Variants in BLOC1S6 observed in about 807,000 individuals in gnomAD.
BLOC1S6 encodes biogenesis of lysosomal organelles complex 1 subunit 6, also known as biogenesis of lysosome-related organelles complex 1 subunit 6.
Under a neutral mutation model 24.7 loss-of-function variants are expected in BLOC1S6, and 24 were observed. That is an observed-to-expected ratio of 0.97 (90% confidence interval 0.70 to 1.37). BLOC1S6 has a LOEUF of 1.37. BLOC1S6 is among the 40% of genes most tolerant of loss of function. The pLI is 0.00. For synonymous variants in BLOC1S6, 76 were observed against 72.6 expected (o/e 1.05, Z -0.23); for missense variants, 175 against 196.2 (o/e 0.89, Z 0.64).
chr15:45,603,799 C>T (rs1166338319), intron 3 of BLOC1S6, among the ~76,000 whole-genome samples: 1 of 151,890 alleles, frequency 6.6e-6, no homozygotes, highest in African/African-American at 2.4e-5. Context: ...AAGTGCATTT[C>T]TCTTTACCAA....
rs1458155087 is a variant in BLOC1S6, at chr15:45,608,495, G to GCA, written c.*1986_*1987dup. The GCA allele has an allele frequency of 6.6e-6, 1 of 152,176 alleles. No homozygotes were observed. Among genetic ancestry groups the GCA allele is most frequent in the African/African-American group, 2.4e-5 (1 of 41,438 alleles). The allele number at this position is 152,176 out of a possible 1,614,324, so 9.4% of individuals were successfully genotyped here. ...GTGGTTGTTTAAAATGCTGGTTCCT[G>GCA]CACACAATTCTCTATCTACTGAAGC... is the stretch of plus-strand genomic sequence containing the variant. On this transcript the variant is annotated 3_prime_UTR_variant, in exon 5 of 5. Transcript: ENST00000220531.
chr15:45,588,743 C>A (rs1169330944), intron 1 of BLOC1S6, among the ~76,000 whole-genome samples: 1 of 152,234 alleles, frequency 6.6e-6, no homozygotes, highest in African/African-American at 2.4e-5. Flanking sequence ...TTTAGAGGCC[C>A]TTACTGGCCT....
intron 1 of BLOC1S6, among the ~76,000 whole-genome samples, chr15:45,589,240 AGAATG>A (rs1893796738): frequency 6.6e-6 from 1 of 152,262 alleles, no homozygotes; most frequent in African/African-American, 2.4e-5. Context: ...TAAAAGTTGC[AGAATG>A]GTATGAGTAA....
At position 45,592,184 on chromosome 15, in the gene BLOC1S6, A is replaced by G; in HGVS notation, c.132A>G (p.Ile44Met). 1 of 1,614,188 alleles carries G rather than the reference A, an allele frequency of 6.2e-7. No homozygotes were observed. Among genetic ancestry groups the G allele is most frequent in the Non-Finnish European group, 8.5e-7 (1 of 1,180,036 alleles). Reference sequence around the variant, plus strand: ...AAGGGTTAATAGAGGACTTGACTATAGAAGACAAAGCAGTGGAGCAACTGG... The same window carrying G: ...AAGGGTTAATAGAGGACTTGACTATGGAAGACAAAGCAGTGGAGCAACTGG... ...PDEGLIEDLT[I>M]EDKAVEQLAE... Residue 44 changes from isoleucine (I) to methionine (M), a missense_variant, in exon 2 of 5, where the codon ATA becomes ATG. Transcript: ENST00000220531.
Position 45,590,434 on chromosome 15 carries a change from G to T in BLOC1S6, c.83-1701G>T, listed in dbSNP as rs570439200. Among the ~76,000 whole-genome samples, 464 of 144,890 alleles carry T rather than the reference G, an allele frequency of 3.2e-3. 7 individuals carry two copies. The highest frequency in any genetic ancestry group is 0.021 in the South Asian group (97 of 4,604). On this transcript the variant is annotated intron_variant, in intron 1 of 4. Coordinates refer to ENST00000220531, the MANE Select transcript of BLOC1S6 (RefSeq NM_012388.4). ...TTTTTTTTTTTTTTTTTGAGGCAGA[G>T]TCTTGCTCTGTCGCCCAGGCTGGAG...
At chr15:45,592,077 C>G (rs761069408) in intron 1 of BLOC1S6, 58 bp from the exon 2 acceptor site, 12 of 1,584,790 alleles carry the variant, frequency 7.6e-6, no homozygotes, top group Admixed American at 1.7e-5. Context: ...TTCAGTTGAC[C>G]AGCCTAAAAA....
intron 2 of BLOC1S6, among the ~76,000 whole-genome samples, chr15:45,597,503 T>C (rs937041681): frequency 5.9e-5 from 9 of 152,156 alleles, no homozygotes; most frequent in African/African-American, 2.2e-4. Context: ...TCTTTTAATC[T>C]GTGTACTTGG....
chr15:45,602,400 T>C, intron 2 of BLOC1S6: 1 of 666,258 alleles, frequency 1.5e-6, no homozygotes. Flanking sequence ...TAATGTCACT[T>C]ATTCCTGTGA....
At chr15:45,603,223 C>A (rs775295473) in intron 3 of BLOC1S6, 36 bp downstream of exon 3, 3 of 1,390,294 alleles carry the variant, frequency 2.2e-6, no homozygotes, top group Non-Finnish European at 3.0e-6. Context: ...TTAATGACAT[C>A]TTGTCTTAGC....
chr15:45,591,394 C>T (rs1893878594), intron 1 of BLOC1S6, among the ~76,000 whole-genome samples: 2 of 152,146 alleles, frequency 1.3e-5, no homozygotes, highest in African/African-American at 4.8e-5. Flanking sequence ...CCGTTACCCA[C>T]GTTTTGGCCT....
intron 2 of BLOC1S6, among the ~76,000 whole-genome samples, chr15:45,601,724 G>C (rs1282801883): frequency 6.6e-6 from 1 of 150,508 alleles, no homozygotes; most frequent in Non-Finnish European, 1.5e-5. Context: ...TGATTTTTTT[G>C]TTTTCCCCCT....
chr15:45,589,034 C>T (rs142704215), intron 1 of BLOC1S6, among the ~76,000 whole-genome samples: 71 of 152,292 alleles, frequency 4.7e-4, no homozygotes, highest in Middle Eastern at 6.8e-3. Context: ...ATTTATCCTA[C>T]AGAAAGTGAC....
intron 1 of BLOC1S6, among the ~76,000 whole-genome samples, chr15:45,590,176 T>C (rs1893831365): frequency 6.7e-6 from 1 of 150,286 alleles, no homozygotes; most frequent in Admixed American, 6.6e-5. Context: ...TTCACTTTTC[T>C]CTCTCTCTCT....
chr15:45,606,403 A>T lies in BLOC1S6; in HGVS notation c.408A>T (p.Ala136=), dbSNP rs765691244. 2 of 1,613,992 alleles carry T rather than the reference A, an allele frequency of 1.2e-6. No homozygotes were observed. The highest frequency in any genetic ancestry group is 1.7e-6 in the Non-Finnish European group (2 of 1,180,038). ...TTTTTTTTTTAACACAGAAAAGAGC[A>T]CTTAAACTGCAGCAGAAGAGGCAAA... The part of the protein sequence containing the change: ...HEKTSKLKKR[A]LKLQQKRQKE... The change falls in exon 5 of 5, where the codon GCA becomes GCT. Residue 136 remains alanine, a synonymous_variant. Transcript: ENST00000220531.
intron 2 of BLOC1S6, among the ~76,000 whole-genome samples, chr15:45,597,232 T>G (rs2140909934): frequency 6.6e-6 from 1 of 152,300 alleles, no homozygotes; most frequent in East Asian, 1.9e-4. Flanking sequence ...ATCCAAGCAC[T>G]TTGGGAGCCT....
At chr15:45,593,690 T>C (rs1893968051) in intron 2 of BLOC1S6, among the ~76,000 whole-genome samples, 1 of 152,196 alleles carries the variant, frequency 6.6e-6, no homozygotes, top group African/African-American at 2.4e-5. Flanking sequence ...TAAAATTTAG[T>C]GTTTCGAATA....
chr15:45,603,176 A>C lies in BLOC1S6; in HGVS notation c.301A>C (p.Ile101Leu). The change falls in exon 3 of 5, where the codon ATT becomes CTT. Residue 101 changes from isoleucine (I) to leucine (L), a missense_variant. Physicochemically the swap from Ile to Leu is conservative, Grantham distance 5 (BLOSUM62 2). Transcript: ENST00000220531. ...KFKECHSMLD[I>L]NALFAEAKHY... ...TAAAGAATGTCATTCTATGTTGGAT[A>C]TTAATGCTTTGGTAAGTATGATTTA... The C allele has an allele frequency of 6.3e-7, 1 of 1,592,414 alleles. No homozygotes were observed.
intron 1 of BLOC1S6, among the ~76,000 whole-genome samples, chr15:45,590,173 TTCTCTCTC>T (rs564536818): frequency 2.0e-5 from 3 of 149,998 alleles, no homozygotes; most frequent in Admixed American, 1.3e-4. Context: ...TGCTTCACTT[TTCTCTCTC>T]TCTCTCTCTC....
Position 45,606,715 on chromosome 15 carries a change from C to A in BLOC1S6, c.*201C>A. The A allele has an allele frequency of 1.6e-6, 1 of 611,670 alleles. No individual in the cohort carries two copies. The highest frequency in any genetic ancestry group is 2.7e-6 in the Non-Finnish European group (1 of 373,230). The allele number at this position is 611,670 out of a possible 1,614,324, so 37.9% of individuals were successfully genotyped here. Reference sequence around the variant, plus strand: ...TTTTGATATTTATATGTAAGTTTTTCAAATTTTGCTTAATTTTAAAATTTA... The same window carrying A: ...TTTTGATATTTATATGTAAGTTTTTAAAATTTTGCTTAATTTTAAAATTTA... On this transcript the variant is annotated 3_prime_UTR_variant, in exon 5 of 5. Coordinates refer to ENST00000220531, the MANE Select transcript of BLOC1S6 (RefSeq NM_012388.4).
Sources: gnomAD v4.1 joint callset for allele counts (sites outside exome capture counted in the v4.1 genomes callset) on GRCh38, gnomAD v4.1.1 for gene constraint, MANE v1.5 for transcripts, NCBI Gene and HGNC (gene_info 2026-07-23, HGNC 2026-07-21) for gene names.